Variants in KIF26B observed in about 807,000 individuals in gnomAD.
KIF26B encodes kinesin family member 26B, also known as kinesin-like protein KIF26B.
A neutral mutation model predicts 151.2 loss-of-function variants in KIF26B; 63 were observed. The observed-to-expected ratio is 0.42, with a 90% CI of 0.34 to 0.51. KIF26B has a LOEUF of 0.51. Ranked by LOEUF, KIF26B falls within the 20% of genes least tolerant of loss-of-function variation. The probability of loss-of-function intolerance (pLI) is 0.07; values close to 1 mark genes in which losing one functional copy is unlikely to be tolerated. For synonymous variants in KIF26B, 1,357 were observed against 1,262.1 expected, an observed-to-expected ratio of 1.08 and a Z score of -1.59; for missense variants, 2,813 against 2,913.6, an observed-to-expected ratio of 0.97 and a Z score of 0.79.
chr1:245,531,132 T>C (rs1046513496), intron 4 of KIF26B, among the ~76,000 whole-genome samples: 1 of 152,222 alleles, frequency 6.6e-6, no homozygotes, highest in Non-Finnish European at 1.5e-5. Flanking sequence ...GGAGATATGT[T>C]GCTAAGCAAC....
intron 4 of KIF26B, among the ~76,000 whole-genome samples, chr1:245,429,671 T>A (rs1053609475): frequency 6.6e-6 from 1 of 152,198 alleles, no homozygotes; most frequent in Non-Finnish European, 1.5e-5. Flanking sequence ...CAGATTGCAG[T>A]GGCACAATCT....
chr1:245,548,300 A>G (rs1040926885), intron 5 of KIF26B, among the ~76,000 whole-genome samples: 1 of 152,090 alleles, frequency 6.6e-6, no homozygotes, highest in Admixed American at 6.5e-5. Flanking sequence ...AAAAAATTCT[A>G]TACAGTCCGT....
At chr1:245,646,063 A>G in intron 9 of KIF26B, 58 bp from the exon 10 acceptor site, 1 of 1,563,300 alleles carries the variant, frequency 6.4e-7, no homozygotes, top group Admixed American at 1.7e-5. Flanking sequence ...TACATGAAGA[A>G]CAGATGAGTG....
At chr1:245,580,225 C>G (rs2043162238) in intron 5 of KIF26B, among the ~76,000 whole-genome samples, 1 of 152,240 alleles carries the variant, frequency 6.6e-6, no homozygotes, top group African/African-American at 2.4e-5. Context: ...TTTGCCCCTT[C>G]TGCACTCCAC....
chr1:245,565,453 T>C (rs2043000738), intron 5 of KIF26B, among the ~76,000 whole-genome samples: 1 of 152,052 alleles, frequency 6.6e-6, no homozygotes, highest in South Asian at 2.1e-4. Flanking sequence ...CACGCCCAGC[T>C]AATTTTTCCT....
intron 4 of KIF26B, among the ~76,000 whole-genome samples, chr1:245,500,214 A>G (rs74724728): frequency 0.024 from 3,688 of 152,324 alleles, 146 homozygotes; most frequent in African/African-American, 0.084. Context: ...AAGCCATTTC[A>G]TCAGGGCACT....
At chr1:245,310,967 G>T (rs987977680) in intron 2 of KIF26B, among the ~76,000 whole-genome samples, 1 of 152,090 alleles carries the variant, frequency 6.6e-6, no homozygotes, top group Non-Finnish European at 1.5e-5. Context: ...GTTGTTTGAC[G>T]CTACACTCTG....
intron 5 of KIF26B, among the ~76,000 whole-genome samples, chr1:245,589,981 G>A (rs563221698): frequency 6.6e-6 from 1 of 152,360 alleles, no homozygotes; most frequent in East Asian, 1.9e-4. Flanking sequence ...TAGCATCTCT[G>A]TGCTGACAGA....
At chr1:245,449,040 G>C (rs950233282) in intron 4 of KIF26B, among the ~76,000 whole-genome samples, 1 of 152,224 alleles carries the variant, frequency 6.6e-6, no homozygotes, top group Non-Finnish European at 1.5e-5. Context: ...ACTTTAGCAC[G>C]TCAGTACTTG....
intron 2 of KIF26B, among the ~76,000 whole-genome samples, chr1:245,201,486 C>T (rs1669300498): frequency 6.6e-6 from 1 of 152,184 alleles, no homozygotes; most frequent in Non-Finnish European, 1.5e-5. Flanking sequence ...ATGGTTTTTT[C>T]TGTGACCACT....
At position 245,602,861 on chromosome 1, in the gene KIF26B, C is replaced by A; in HGVS notation, c.1557+78C>A. On this transcript the variant is annotated intron_variant, in intron 6 of 14. Coordinates refer to ENST00000407071, the MANE Select transcript of KIF26B (RefSeq NM_018012.4). The surrounding 1 kb of genome is among the most constrained non-coding windows in gnomAD (Gnocchi z 4.5). ...TTACTCATTCACAAGGGCCCTTGAGCTGGGAGGGTGTCTTCTGGAGCATTC... is the reference window on the plus strand; with the variant it reads ...TTACTCATTCACAAGGGCCCTTGAGATGGGAGGGTGTCTTCTGGAGCATTC... 1 of 1,336,944 alleles carries A rather than the reference C, an allele frequency of 7.5e-7. No individual in the cohort carries two copies. The highest frequency in any genetic ancestry group is 1.1e-6 in the Non-Finnish European group (1 of 932,576). 82.8% of individuals were successfully genotyped at this position (1,336,944 alleles called of 1,614,324 possible).
rs750937644 is a variant in KIF26B, at chr1:245,530,372, A to G, written c.1167-10395A>G. ...TAGGAGGTCAGTATATCAAAGAGATAGCCAAGCTCCCATGTTTATTGCAGC... is the reference window on the plus strand; with the variant it reads ...TAGGAGGTCAGTATATCAAAGAGATGGCCAAGCTCCCATGTTTATTGCAGC... On this transcript the variant is annotated intron_variant, in intron 4 of 14. Transcript: ENST00000407071. Among the ~76,000 whole-genome samples the G allele has an allele frequency of 1.7e-3, 259 of 152,250 alleles. 7 individuals carry two copies. The highest frequency in any genetic ancestry group is 2.2e-3 in the Admixed American group (33 of 15,288).
intron 2 of KIF26B, among the ~76,000 whole-genome samples, chr1:245,303,259 C>T (rs1234737221): frequency 1.3e-4 from 18 of 136,344 alleles, no homozygotes; most frequent in East Asian, 4.6e-4. Context: ...AGTGCAGTGG[C>T]GCGATCTCGG....
intron 4 of KIF26B, among the ~76,000 whole-genome samples, chr1:245,464,584 CGTGTGTGGGTGTGTGCTGTGCGTGTGG>C (rs1452369524): frequency 3.7e-5 from 4 of 108,670 alleles, no homozygotes; most frequent in Admixed American, 2.1e-4. Flanking sequence ...TGTGTGTGCA[CGTGTGTGGGTGTGTGCTGTGCGTGTGG>C]GTGTGTGGGT....
intron 4 of KIF26B, among the ~76,000 whole-genome samples, chr1:245,451,180 GA>G (rs1659381686): frequency 6.6e-6 from 1 of 151,690 alleles, no homozygotes; most frequent in Non-Finnish European, 1.5e-5. Flanking sequence ...TTAGAATTTG[GA>G]ATTTAATGCT....
chr1:245,303,407 C>T (rs960668167), intron 2 of KIF26B, among the ~76,000 whole-genome samples: 1 of 150,664 alleles, frequency 6.6e-6, no homozygotes, highest in Non-Finnish European at 1.5e-5. Context: ...ACCGTGTTAG[C>T]CAGGATGGTC....
chr1:245,452,025 A>G (rs1012231025), intron 4 of KIF26B, among the ~76,000 whole-genome samples: 3 of 152,216 alleles, frequency 2.0e-5, no homozygotes, highest in Non-Finnish European at 4.4e-5. Flanking sequence ...TTGTAGAACT[A>G]TCACCATTAC....
chr1:245,380,091 T>G (rs1303976354), intron 3 of KIF26B, among the ~76,000 whole-genome samples: 2 of 152,160 alleles, frequency 1.3e-5, no homozygotes, highest in Admixed American at 1.3e-4. Context: ...CTTTATCTTA[T>G]AGAGGTATTT....
intron 9 of KIF26B, among the ~76,000 whole-genome samples, chr1:245,623,582 G>C (rs1335497344): frequency 6.6e-6 from 1 of 152,108 alleles, no homozygotes; most frequent in Non-Finnish European, 1.5e-5. Flanking sequence ...CGAAATCCGA[G>C]ATGCTCCAAA....
Sources: allele counts gnomAD v4.1 joint callset (sites outside exome capture counted in the v4.1 genomes callset), GRCh38; gene constraint gnomAD v4.1.1; non-coding constraint Gnocchi (gnomAD v3.1); transcripts MANE v1.5; gene names NCBI Gene and HGNC (gene_info 2026-07-23, HGNC 2026-07-21).